NCOA2: variants seen among roughly 807,000 people sequenced by gnomAD.
The protein encoded by NCOA2 is nuclear receptor coactivator 2.
In NCOA2, 21 loss-of-function variants were observed where a neutral mutation model predicts 145.1. That is an observed-to-expected ratio of 0.14 (90% CI 0.10 to 0.21). The LOEUF (loss-of-function observed/expected upper bound fraction) is 0.21. NCOA2 is among the 10% of genes least tolerant of loss of function. The pLI, the probability that NCOA2 is intolerant of heterozygous loss-of-function variation, is 1.00. For missense variants in NCOA2, 1,472 were observed against 1,837.6 expected (o/e 0.80, Z 3.64); for synonymous variants, 619 against 637.5 (o/e 0.97, Z 0.44).
the NCOA2 span, among the ~76,000 whole-genome samples, chr8:70,419,102 T>TAA: frequency 6.3e-4 from 83 of 132,564 alleles, no homozygotes; most frequent in African/African-American, 1.9e-3. Flanking sequence ...TAGGATTTTA[T>TAA]AAAAAAAAAA....
chr8:70,452,427 A>G, the NCOA2 span, among the ~76,000 whole-genome samples: 1 of 152,246 alleles, frequency 6.6e-6, no homozygotes, highest in Non-Finnish European at 1.5e-5. Context: ...AATCAAAAAA[A>G]GAGAAAATAA....
intron 2 of NCOA2, among the ~76,000 whole-genome samples, chr8:70,255,515 A>G (rs529081256): frequency 6.6e-6 from 1 of 152,370 alleles, no homozygotes; most frequent in African/African-American, 2.4e-5. Flanking sequence ...TGTGTAATAC[A>G]GTAATATGTA....
chr8:70,257,022 C>T (rs758012845), intron 2 of NCOA2, among the ~76,000 whole-genome samples: 1 of 152,160 alleles, frequency 6.6e-6, no homozygotes, highest in African/African-American at 2.4e-5. Context: ...CTCTGATAGG[C>T]GTCATCTTCT....
intron 1 of NCOA2, among the ~76,000 whole-genome samples, chr8:70,315,499 G>A (rs1421265462): frequency 1.3e-5 from 2 of 152,162 alleles, no homozygotes; most frequent in Non-Finnish European, 2.9e-5. Flanking sequence ...TAAGTTAAAT[G>A]ATTCCAAACA....
chr8:70,327,297 C>G (rs540591812), intron 1 of NCOA2, among the ~76,000 whole-genome samples: 1 of 152,284 alleles, frequency 6.6e-6, no homozygotes, highest in Non-Finnish European at 1.5e-5. Flanking sequence ...TAACAACATA[C>G]TCAACAGAAA....
chr8:70,416,046 G>C, the NCOA2 span, among the ~76,000 whole-genome samples: 2 of 152,170 alleles, frequency 1.3e-5, no homozygotes, highest in Non-Finnish European at 2.9e-5. Flanking sequence ...TAAGGATTTG[G>C]CTCATGCAAT....
intron 1 of NCOA2, among the ~76,000 whole-genome samples, chr8:70,383,565 G>C (rs1461565269): frequency 6.6e-6 from 1 of 152,126 alleles, no homozygotes; most frequent in Admixed American, 6.5e-5. Flanking sequence ...GAGTGCAATG[G>C]CATGATCTCA....
At chr8:70,231,279 T>C (rs944333635) in intron 2 of NCOA2, among the ~76,000 whole-genome samples, 6 of 152,258 alleles carry the variant, frequency 3.9e-5, no homozygotes, top group Non-Finnish European at 8.8e-5. Context: ...TGTTTCACAA[T>C]TTAAACTGAT....
intron 4 of NCOA2, among the ~76,000 whole-genome samples, chr8:70,195,719 C>T (rs1817233977): frequency 6.6e-6 from 1 of 152,202 alleles, no homozygotes. Flanking sequence ...ACAGGAATCA[C>T]TGTTTCATCT....
At chr8:70,152,559 C>T (rs1422517543) in intron 11 of NCOA2, among the ~76,000 whole-genome samples, 2 of 152,156 alleles carry the variant, frequency 1.3e-5, no homozygotes, top group Admixed American at 6.5e-5. Flanking sequence ...CCTTATCATA[C>T]GTGTCTCAGC....
At chr8:70,432,204 CAGTG>C in the NCOA2 span, among the ~76,000 whole-genome samples, 1 of 152,314 alleles carries the variant, frequency 6.6e-6, no homozygotes, top group East Asian at 1.9e-4. Context: ...ATTTCCCTGA[CAGTG>C]AGGCTGAAGT....
chr8:70,222,223 T>A (rs1820201882), intron 2 of NCOA2, among the ~76,000 whole-genome samples: 1 of 152,210 alleles, frequency 6.6e-6, no homozygotes, highest in Non-Finnish European at 1.5e-5. Flanking sequence ...CTTTACTAGT[T>A]TAGAGCAGTT....
chr8:70,375,977 G>A (rs1400013838), intron 1 of NCOA2, among the ~76,000 whole-genome samples: 1 of 152,116 alleles, frequency 6.6e-6, no homozygotes, highest in African/African-American at 2.4e-5. Flanking sequence ...AAACTTATGA[G>A]AGAAGAACTA....
intron 1 of NCOA2, among the ~76,000 whole-genome samples, chr8:70,328,874 T>C (rs928619860): frequency 6.6e-6 from 1 of 152,158 alleles, no homozygotes; most frequent in Admixed American, 6.5e-5. Flanking sequence ...GAATATAAAC[T>C]GATACAACCA....
chr8:70,281,896 T>C (rs1482032343), intron 2 of NCOA2, among the ~76,000 whole-genome samples: 2 of 152,224 alleles, frequency 1.3e-5, no homozygotes, highest in African/African-American at 4.8e-5. Context: ...TGGTTCATCA[T>C]TATTTATTAT....
the NCOA2 span, among the ~76,000 whole-genome samples, chr8:70,454,254 T>C: frequency 6.6e-6 from 1 of 152,204 alleles, no homozygotes; most frequent in Admixed American, 6.6e-5. Flanking sequence ...AGTTTTCCAA[T>C]AATGAGCTTT....
intron 1 of NCOA2, among the ~76,000 whole-genome samples, chr8:70,317,910 G>GT (rs2136111990): frequency 6.6e-6 from 1 of 151,996 alleles, no homozygotes; most frequent in East Asian, 1.9e-4. Context: ...GGGTGACAGA[G>GT]TGAGACCCTG....
chr8:70,249,657 C>T (rs111603014), intron 2 of NCOA2, among the ~76,000 whole-genome samples: 20 of 152,104 alleles, frequency 1.3e-4, no homozygotes, highest in African/African-American at 4.1e-4. Context: ...AAAGAAGAAA[C>T]AGTATCTGTA....
At chr8:70,307,399 TG>T (rs1164548734) in intron 1 of NCOA2, among the ~76,000 whole-genome samples, 2 of 152,100 alleles carry the variant, frequency 1.3e-5, no homozygotes, top group African/African-American at 4.8e-5. Flanking sequence ...AACAATCTAT[TG>T]TGGCTAAATT....
Sources: gnomAD v4.1 joint callset for allele counts (sites outside exome capture counted in the v4.1 genomes callset) on GRCh38, gnomAD v4.1.1 for gene constraint, MANE v1.5 for transcripts, NCBI Gene and HGNC (gene_info 2026-07-23, HGNC 2026-07-21) for gene names.